Variants in RAB11FIP4 observed in about 807,000 individuals in gnomAD.
RAB11FIP4 encodes rab11 family-interacting protein 4.
In RAB11FIP4, 23 loss-of-function variants were observed where a neutral mutation model predicts 74.3. The ratio of observed to expected loss-of-function variants is 0.31; its 90% CI spans 0.22 to 0.44. The LOEUF (loss-of-function observed/expected upper bound fraction) is 0.44. Ranked by LOEUF, RAB11FIP4 falls within the 20% of genes least tolerant of loss-of-function variation. The probability of loss-of-function intolerance (pLI) is 1.00; values close to 1 mark genes in which losing one functional copy is unlikely to be tolerated. For synonymous variants in RAB11FIP4, 360 were observed against 359.9 expected (o/e 1.00, Z 0.00); for missense variants, 630 against 863.9 (o/e 0.73, Z 3.39).
At chr17:31,394,268 C>G (rs1597892689) in intron 1 of RAB11FIP4, among the ~76,000 whole-genome samples, 1 of 152,274 alleles carries the variant, frequency 6.6e-6, no homozygotes, top group South Asian at 2.1e-4. Flanking sequence ...TCAATTTTCT[C>G]CAGAAAATGA....
intron 5 of RAB11FIP4, 129 bp from the exon 6 acceptor site, chr17:31,521,786 C>T (rs2072670384): frequency 9.6e-7 from 1 of 1,036,410 alleles, no homozygotes; most frequent in East Asian, 2.5e-5. Flanking sequence ...TATATTTCCA[C>T]TCCCTGCCCC....
At chr17:31,396,309 G>A (rs545618461) in intron 1 of RAB11FIP4, among the ~76,000 whole-genome samples, 1 of 152,268 alleles carries the variant, frequency 6.6e-6, no homozygotes, top group East Asian at 1.9e-4. Context: ...TGATAAGTAT[G>A]TAACATGATG....
rs181838378 is a variant in RAB11FIP4 at position 31,468,017 on chromosome 17, C to A, written c.336+33895C>A. On this transcript the variant is annotated intron_variant, in intron 3 of 14. Transcript: ENST00000621161. ...GAGGGGCCTGGGAAGGGGAAGGGGA[C>A]AGAGAGCAGGTTTATTCGGGGTGAG... 2.5e-3 allele frequency among the ~76,000 whole-genome samples: 383 copies of A among 152,272 alleles called. 1 individual carries two copies. The highest frequency in any genetic ancestry group is 6.1e-3 in the Admixed American group (94 of 15,296).
At chr17:31,443,544 C>T (rs933891597) in intron 3 of RAB11FIP4, among the ~76,000 whole-genome samples, 1 of 152,112 alleles carries the variant, frequency 6.6e-6, no homozygotes, top group Non-Finnish European at 1.5e-5. Flanking sequence ...TTCCTCTTGC[C>T]CTCCCTCACC....
At chr17:31,432,342 T>A (rs1367061963) in intron 2 of RAB11FIP4, among the ~76,000 whole-genome samples, 2 of 150,498 alleles carry the variant, frequency 1.3e-5, no homozygotes, top group Non-Finnish European at 3.0e-5. Context: ...GTGTCCTCCC[T>A]GCTCCCGCCT....
chr17:31,410,096 G>A (rs899885149), intron 1 of RAB11FIP4, among the ~76,000 whole-genome samples: 1 of 152,206 alleles, frequency 6.6e-6, no homozygotes. Context: ...TTCTCATGAT[G>A]CTAATGAAAG....
At chr17:31,428,808 G>A (rs1597911574) in intron 1 of RAB11FIP4, among the ~76,000 whole-genome samples, 2 of 152,244 alleles carry the variant, frequency 1.3e-5, no homozygotes, top group African/African-American at 4.8e-5. Flanking sequence ...GCCAGGCGTG[G>A]TGGCGTGCCT....
chr17:31,527,932 C>T lies in RAB11FIP4; in HGVS notation c.1356+9C>T, dbSNP rs372145960. On this transcript the variant is annotated intron_variant, in intron 11 of 14. Transcript: ENST00000621161. ...CAGAGAAACTGGATGAGGTGAGCAG[C>T]AGATCCAGGCTTGGAGGGGCAGGGC... 10 of 1,585,992 alleles carry T rather than the reference C, an allele frequency of 6.3e-6. No homozygotes were observed. The East Asian group carries it at 2.3e-4, about 36-fold the overall frequency.
rs986857204 is a variant in RAB11FIP4 at position 31,535,585 on chromosome 17, A to G, written c.*3853A>G. 1 of 152,208 alleles carries G rather than the reference A, an allele frequency of 6.6e-6. No individual in the cohort carries two copies. Among genetic ancestry groups the G allele is most frequent in the Non-Finnish European group, 1.5e-5 (1 of 68,094 alleles). The allele number at this position is 152,208 out of a possible 1,614,324, so 9.4% of individuals were successfully genotyped here. On this transcript the variant is annotated 3_prime_UTR_variant, in exon 15 of 15. Coordinates refer to ENST00000621161, the MANE Select transcript of RAB11FIP4 (RefSeq NM_032932.6). The stretch of plus-strand genomic sequence containing the variant: ...AATGACAGTGAGCTCTCTTGCTGGG[A>G]GGGTTCCTTTTCCTGTTGTTGAATG...
At position 31,527,821 on chromosome 17, in the gene RAB11FIP4, T is replaced by A. The variant is rs539104959; in HGVS notation, c.1275-21T>A. 1.4e-4 allele frequency: 224 copies of A among 1,584,650 alleles called. No individual in the cohort carries two copies. The African/African-American group carries it at 2.7e-3, about 19-fold the overall frequency. ...AGTCTACATTCCAGGTTTCTGAGAT[T>A]TGTCTTTCTCCTTTCGCCAGGGTGC... On this transcript the variant is annotated intron_variant, in intron 10 of 14. Coordinates refer to ENST00000621161, the MANE Select transcript of RAB11FIP4 (RefSeq NM_032932.6).
intron 1 of RAB11FIP4, among the ~76,000 whole-genome samples, chr17:31,419,969 A>G (rs776218960): frequency 2.0e-5 from 3 of 152,148 alleles, no homozygotes; most frequent in Non-Finnish European, 4.4e-5. Context: ...TGTAGAATTT[A>G]TGTATATTTT....
chr17:31,521,418 A>C, intron 5 of RAB11FIP4, 58 bp downstream of exon 5: 1 of 1,486,568 alleles, frequency 6.7e-7, no homozygotes, highest in Non-Finnish European at 9.1e-7. Context: ...CAATTTAAGC[A>C]CATCCTAGGG....
intron 1 of RAB11FIP4, among the ~76,000 whole-genome samples, chr17:31,402,843 T>C (rs550130537): frequency 1.7e-4 from 26 of 151,888 alleles, no homozygotes; most frequent in African/African-American, 6.3e-4. Context: ...GCCAGGATGG[T>C]CTCGATCTCC....
In RAB11FIP4 at chr17:31,521,314, A is replaced by T. The variant is rs769341276; in HGVS notation, c.712A>T (p.Thr238Ser). 5 of 1,613,666 alleles carry T rather than the reference A, an allele frequency of 3.1e-6. No individual in the cohort carries two copies. In the East Asian group the frequency reaches 1.1e-4, roughly 36 times the overall value. The part of the protein sequence containing the change: ...APSSPCPDDE[T>S]RTNVYSDLGS... ...CAGCAGCCCTTGCCCCGATGATGAG[A>T]CCAGGACCAACGTCTACTCGGACCT... The change falls in exon 5 of 15, where the codon ACC (threonine) becomes TCC (serine). Residue 238 changes from threonine (T) to serine (S), a missense_variant. Transcript: ENST00000621161.
rs35484019 is a variant in RAB11FIP4 at position 31,441,518 on chromosome 17, TTTTA to T, written c.336+7419_336+7422del. Among the ~76,000 whole-genome samples, 249 of 150,966 alleles carry T rather than the reference TTTTA, an allele frequency of 1.6e-3. 2 individuals carry two copies. Among genetic ancestry groups the T allele is most frequent in the African/African-American group, 5.5e-3 (224 of 41,004 alleles). On this transcript the variant is annotated intron_variant, in intron 3 of 14. Coordinates refer to ENST00000621161, the MANE Select transcript of RAB11FIP4 (RefSeq NM_032932.6). ...TGATAACCCTATTAAACTCTCCTTA[TTTTA>T]TTTATTTATTTATTTATTTATTGAA...
At chr17:31,531,288 C>A (rs1013911854) in intron 14 of RAB11FIP4, among the ~76,000 whole-genome samples, 1 of 152,142 alleles carries the variant, frequency 6.6e-6, no homozygotes, top group African/African-American at 2.4e-5. Context: ...GGCCCTGGGA[C>A]TTTGTCAGTC....
At chr17:31,489,523 C>G (rs555987667) in intron 3 of RAB11FIP4, among the ~76,000 whole-genome samples, 111 of 152,304 alleles carry the variant, frequency 7.3e-4, no homozygotes, top group African/African-American at 2.6e-3. Context: ...CACCCTGGCA[C>G]TGGCCCAAAC....
chr17:31,511,162 G>A lies in RAB11FIP4; in HGVS notation c.337-6489G>A, dbSNP rs1261644878. ...ATAGATGGGGAAACTAAGGCACTGA[G>A]CAGTTCAGTAACCCTGAAGCTGCAG... On this transcript the variant is annotated intron_variant, in intron 3 of 14. Coordinates refer to ENST00000621161, the MANE Select transcript of RAB11FIP4 (RefSeq NM_032932.6). 6.6e-5 allele frequency among the ~76,000 whole-genome samples: 10 copies of A among 152,266 alleles called. No individual in the cohort carries two copies. In the East Asian group the frequency reaches 1.9e-3, roughly 29 times the overall value.
At chr17:31,400,677 T>C (rs1443062297) in intron 1 of RAB11FIP4, among the ~76,000 whole-genome samples, 1 of 152,172 alleles carries the variant, frequency 6.6e-6, no homozygotes, top group East Asian at 1.9e-4. Flanking sequence ...TGGAGCCGAT[T>C]GGCAGTGGGA....
Sources: gnomAD v4.1 joint callset for allele counts (sites outside exome capture counted in the v4.1 genomes callset) on GRCh38, gnomAD v4.1.1 for gene constraint, MANE v1.5 for transcripts, NCBI Gene and HGNC (gene_info 2026-07-23, HGNC 2026-07-21) for gene names.